The following TTC29 variants were observed in gnomAD, a reference collection of about 807,000 sequenced individuals.
TTC29 encodes the protein tetratricopeptide repeat domain 29.
In TTC29, 49 loss-of-function variants were observed where a neutral mutation model predicts 58.1. The ratio of observed to expected loss-of-function variants is 0.84; its 90% CI spans 0.67 to 1.07. TTC29 has a LOEUF of 1.07. Among genes scored for constraint, TTC29 ranks in the 50% least tolerant of loss-of-function variants. The pLI, the probability that TTC29 is intolerant of heterozygous loss-of-function variation, is 0.00. For missense variants in TTC29, 582 were observed against 555.6 expected, an observed-to-expected ratio of 1.05 and a Z score of -0.48; for synonymous variants, 209 against 196.8, an observed-to-expected ratio of 1.06 and a Z score of -0.52.
intron 9 of TTC29, among the ~76,000 whole-genome samples, chr4:146,823,041 C>T (rs991871854): frequency 6.6e-6 from 1 of 152,094 alleles, no homozygotes; most frequent in Non-Finnish European, 1.5e-5. Context: ...AGTGTTCTCC[C>T]ATTCTGTAGG....
At chr4:146,869,097 T>TA (rs35029868) in intron 7 of TTC29, among the ~76,000 whole-genome samples, 18,954 of 110,060 alleles carry the variant, frequency 0.17, 1,501 homozygotes, top group Middle Eastern at 0.25. Flanking sequence ...GAGCTTTAAG[T>TA]AAAAAAAAAA....
chr4:146,711,258 A>G (rs1742472520), intron 11 of TTC29, among the ~76,000 whole-genome samples: 1 of 152,154 alleles, frequency 6.6e-6, no homozygotes, highest in Non-Finnish European at 1.5e-5. Context: ...AAAACTCACT[A>G]TAAGCAGCAA....
At chr4:146,797,976 T>A (rs1226106113) in intron 11 of TTC29, among the ~76,000 whole-genome samples, 1 of 151,768 alleles carries the variant, frequency 6.6e-6, no homozygotes, top group African/African-American at 2.4e-5. Flanking sequence ...TTTTCAGTAT[T>A]TTTTCACAGT....
intron 8 of TTC29, among the ~76,000 whole-genome samples, chr4:146,845,890 A>C: frequency 6.6e-6 from 1 of 150,882 alleles, no homozygotes; most frequent in African/African-American, 2.4e-5. Flanking sequence ...AAACATATCT[A>C]CTTATTATTT....
chr4:146,825,940 TAAA>T (rs1166927825), intron 9 of TTC29, among the ~76,000 whole-genome samples: 106 of 150,110 alleles, frequency 7.1e-4, no homozygotes, highest in African/African-American at 2.5e-3. Context: ...CTTTTTTTTT[TAAA>T]AAAATTTCCA....
intron 4 of TTC29, among the ~76,000 whole-genome samples, chr4:146,911,357 G>C (rs749656013): frequency 1.3e-5 from 2 of 152,114 alleles, no homozygotes; most frequent in Non-Finnish European, 2.9e-5. Flanking sequence ...CTGCCCACTG[G>C]GGACTGAAGG....
chr4:146,834,794 G>T lies in TTC29; in HGVS notation c.886-897C>A, dbSNP rs117436512. ...CTGCCTGAATCAGGCAGCCTAGAAG[G>T]TTTAAGTCTGAGCGGCAGGGTTGAT... On this transcript the variant is annotated intron_variant, in intron 8 of 12. Transcript: ENST00000325106. Among the ~76,000 whole-genome samples, 146 of 152,276 alleles carry T rather than the reference G, an allele frequency of 9.6e-4. 4 individuals are homozygous for T. The East Asian group carries it at 0.026, about 27-fold the overall frequency.
At chr4:146,831,593 C>T (rs1192470208) in intron 9 of TTC29, 2 of 335,864 alleles carry the variant, frequency 6.0e-6, no homozygotes, top group Non-Finnish European at 1.2e-5. Flanking sequence ...CGTCCCACTC[C>T]CAAGCTCCAA....
chr4:146,880,335 T>A (rs1731542941), intron 6 of TTC29, among the ~76,000 whole-genome samples: 1 of 152,072 alleles, frequency 6.6e-6, no homozygotes, highest in Non-Finnish European at 1.5e-5. Context: ...GCATTTATAG[T>A]TTTTTACCTA....
intron 8 of TTC29, among the ~76,000 whole-genome samples, chr4:146,855,921 AT>A (rs1729816645): frequency 2.0e-5 from 3 of 152,134 alleles, no homozygotes; most frequent in Admixed American, 1.3e-4. Context: ...TCTAGGTGTA[AT>A]GCCTCTTCTT....
chr4:146,889,594 C>A (rs1732216701), intron 6 of TTC29, among the ~76,000 whole-genome samples: 1 of 152,102 alleles, frequency 6.6e-6, no homozygotes, highest in Admixed American at 6.6e-5. Flanking sequence ...AAATACCACA[C>A]TAAAAACTGA....
intron 6 of TTC29, among the ~76,000 whole-genome samples, chr4:146,901,700 C>A (rs1178711501): frequency 1.3e-5 from 2 of 152,176 alleles, no homozygotes; most frequent in African/African-American, 4.8e-5. Flanking sequence ...AAGGGCTTCT[C>A]CCTCATTTCA....
chr4:146,764,874 T>C (rs969423723), intron 11 of TTC29, among the ~76,000 whole-genome samples: 2 of 151,964 alleles, frequency 1.3e-5, no homozygotes, highest in African/African-American at 4.8e-5. Flanking sequence ...TATTGCCTAC[T>C]GATAGTGACA....
Position 146,791,389 on chromosome 4 carries a change from T to C in TTC29, c.1330+12068A>G, listed in dbSNP as rs112322746. ...ATTATCATTACATCTGTTATGGTGA[T>C]CTGAGATCAGTGATCTTTGATGTTA... On this transcript the variant is annotated intron_variant, in intron 11 of 12. Transcript: ENST00000325106. 1.6e-3 allele frequency among the ~76,000 whole-genome samples: 244 copies of C among 152,338 alleles called. 1 individual carries two copies. Among genetic ancestry groups the C allele is most frequent in the African/African-American group, 5.7e-3 (239 of 41,580 alleles).
intron 6 of TTC29, among the ~76,000 whole-genome samples, chr4:146,895,565 A>G (rs1732714152): frequency 6.6e-6 from 1 of 152,124 alleles, no homozygotes; most frequent in Non-Finnish European, 1.5e-5. Flanking sequence ...TTTGAACTCT[A>G]TGAGGAAGCT....
intron 8 of TTC29, among the ~76,000 whole-genome samples, chr4:146,863,581 A>C (rs1730382883): frequency 6.6e-6 from 1 of 152,238 alleles, no homozygotes; most frequent in East Asian, 1.9e-4. Context: ...TAAATGTCTT[A>C]AAATAACAGA....
At chr4:146,808,293 G>A (rs1750760542) in intron 10 of TTC29, among the ~76,000 whole-genome samples, 1 of 152,122 alleles carries the variant, frequency 6.6e-6, no homozygotes, top group Non-Finnish European at 1.5e-5. Flanking sequence ...ATACTTAATG[G>A]GCACAAGCTG....
At chr4:146,713,522 T>C (rs1742683341) in intron 11 of TTC29, among the ~76,000 whole-genome samples, 1 of 152,178 alleles carries the variant, frequency 6.6e-6, no homozygotes, top group Non-Finnish European at 1.5e-5. Context: ...AATCATGATG[T>C]GGTAATTCTA....
intron 10 of TTC29, among the ~76,000 whole-genome samples, chr4:146,806,857 G>A (rs1189102172): frequency 1.3e-5 from 2 of 152,148 alleles, no homozygotes; most frequent in Admixed American, 6.5e-5. Context: ...AAGATATTCA[G>A]GACTTGAACT....
Sources: gnomAD v4.1 joint callset for allele counts (sites outside exome capture counted in the v4.1 genomes callset) on GRCh38, gnomAD v4.1.1 for gene constraint, MANE v1.5 for transcripts, NCBI Gene and HGNC (gene_info 2026-07-23, HGNC 2026-07-21) for gene names.